The following CFAP97 variants were observed in gnomAD, a reference collection of about 807,000 sequenced individuals.
CFAP97 encodes cilia- and flagella-associated protein 97.
A neutral mutation model predicts 43.1 loss-of-function variants in CFAP97; 36 were observed. That is an observed-to-expected ratio of 0.84 (90% CI 0.64 to 1.10). The LOEUF is 1.10. Among genes scored for constraint, CFAP97 ranks in the 50% least tolerant of loss-of-function variants. CFAP97 has a pLI of 0.00. For missense variants in CFAP97, 657 were observed against 620.3 expected, an observed-to-expected ratio of 1.06 and a Z score of -0.63; for synonymous variants, 228 against 225.7, an observed-to-expected ratio of 1.01 and a Z score of -0.09.
In CFAP97 at chr4:185,161,455, C is replaced by A. The variant is rs180776744; in HGVS notation, c.*1343G>T. The A allele has an allele frequency of 5.2e-3, 798 of 152,002 alleles. 5 individuals carry two copies. The highest frequency in any genetic ancestry group is 0.018 in the African/African-American group (734 of 41,468). The allele number at this position is 152,002 out of a possible 1,614,324, so 9.4% of individuals were successfully genotyped here. A position where few individuals can be genotyped will look rare whatever the true frequency, so the allele number is the denominator to read the frequency against. On this transcript the variant is annotated 3_prime_UTR_variant, in exon 5 of 5. Transcript: ENST00000458385. ...TGAAAATCTTATTGTGGCTACAGAT[C>A]AAAAATTCATACTGAAAAAGATATT... is the stretch of plus-strand genomic sequence containing the variant.
chr4:185,164,755 G>C (rs1735003408), intron 3 of CFAP97, among the ~76,000 whole-genome samples: 1 of 152,234 alleles, frequency 6.6e-6, no homozygotes, highest in Non-Finnish European at 1.5e-5. Flanking sequence ...TGCCAGGTTA[G>C]TCTTAGGAAA....
chr4:185,187,826 T>C (rs929690775), intron 2 of CFAP97, among the ~76,000 whole-genome samples: 1 of 151,976 alleles, frequency 6.6e-6, no homozygotes, highest in African/African-American at 2.4e-5. Context: ...CTAGGTGATA[T>C]TAATGCACTG....
intron 3 of CFAP97, among the ~76,000 whole-genome samples, chr4:185,165,977 G>A (rs1266312764): frequency 6.6e-6 from 1 of 152,186 alleles, no homozygotes; most frequent in African/African-American, 2.4e-5. Flanking sequence ...GAGGCTTGGA[G>A]GCAAACAGCA....
chr4:185,192,790 G>C (rs1436230041), intron 1 of CFAP97, among the ~76,000 whole-genome samples: 4 of 136,520 alleles, frequency 2.9e-5, no homozygotes, highest in Admixed American at 8.1e-5. Flanking sequence ...ACCCAGGCTG[G>C]AGTGCAGTGG....
intron 2 of CFAP97, among the ~76,000 whole-genome samples, chr4:185,187,003 G>A (rs1736030404): frequency 2.6e-5 from 4 of 152,154 alleles, no homozygotes; most frequent in Admixed American, 2.0e-4. Flanking sequence ...CGAATCGTAT[G>A]CTCTAGCTTA....
intron 1 of CFAP97, 136 bp from the exon 2 acceptor site, chr4:185,191,348 A>G (rs1736248308): frequency 3.2e-6 from 2 of 631,956 alleles, no homozygotes. Context: ...AACAACAACA[A>G]AAAAGGTAAC....
At chr4:185,176,301 C>A (rs1167060461) in intron 2 of CFAP97, among the ~76,000 whole-genome samples, 2 of 151,988 alleles carry the variant, frequency 1.3e-5, no homozygotes. Flanking sequence ...TTAGTAGGGA[C>A]AGGGTTTCAC....
intron 1 of CFAP97, among the ~76,000 whole-genome samples, chr4:185,194,209 C>T (rs1479411626): frequency 2.6e-5 from 4 of 152,288 alleles, no homozygotes; most frequent in African/African-American, 9.6e-5. Context: ...AGTTTGTAGG[C>T]CAGGCGCAGT....
chr4:185,184,131 T>C (rs1338547768), intron 2 of CFAP97, among the ~76,000 whole-genome samples: 1 of 152,234 alleles, frequency 6.6e-6, no homozygotes, highest in Non-Finnish European at 1.5e-5. Flanking sequence ...TCCCTAGATC[T>C]GCAGCACGGG....
intron 3 of CFAP97, among the ~76,000 whole-genome samples, chr4:185,166,066 G>A (rs1410516835): frequency 2.6e-5 from 4 of 152,024 alleles, no homozygotes; most frequent in Non-Finnish European, 4.4e-5. Context: ...TTCCTTCTGC[G>A]TGAAGTGCCC....
chr4:185,204,333 C>A (rs11132292), upstream of CFAP97: 70,487 of 152,070 alleles, frequency 0.46, 16,781 homozygotes, highest in East Asian at 0.58. Context: ...CTCTACCAAA[C>A]CAAGAATAAA....
chr4:185,164,269 C>A, intron 3 of CFAP97, 90 bp from the exon 4 acceptor site: 1 of 1,224,702 alleles, frequency 8.2e-7, no homozygotes, highest in Non-Finnish European at 1.1e-6. Flanking sequence ...CATTCACTTT[C>A]TTTCTTTTTT....
chr4:185,162,302 A>G lies in CFAP97; in HGVS notation c.*496T>C, dbSNP rs2111304866. ...ATCTAGATCAGCTCTACCAGTGAAAACAAATTTCAAGATTTGTTTCATAAT... is the reference window on the plus strand; with the variant it reads ...ATCTAGATCAGCTCTACCAGTGAAAGCAAATTTCAAGATTTGTTTCATAAT... On this transcript the variant is annotated 3_prime_UTR_variant, in exon 5 of 5. Transcript: ENST00000458385. The G allele has an allele frequency of 1.3e-5, 2 of 155,564 alleles. No individual in the cohort carries two copies. The highest frequency in any genetic ancestry group is 3.9e-4 in the South Asian group (2 of 5,120). The allele number at this position is 155,564 out of a possible 1,614,324, so 9.6% of individuals were successfully genotyped here.
At chr4:185,191,277 T>C in intron 1 of CFAP97, 65 bp from the exon 2 acceptor site, 2 of 1,105,862 alleles carry the variant, frequency 1.8e-6, no homozygotes, top group Non-Finnish European at 2.4e-6. Context: ...TTGTATACAA[T>C]AATTAAATAA....
rs1425240955 is a variant in CFAP97, at chr4:185,209,454, C to G, written c.-203G>C. ...ACCGCGCTGGGTCGCGCCCTCTCCCCGTGGGGCCCCGGCCCGGACCCCGCC... is the reference window on the plus strand; with the variant it reads ...ACCGCGCTGGGTCGCGCCCTCTCCCGGTGGGGCCCCGGCCCGGACCCCGCC... On this transcript the variant is annotated 5_prime_UTR_variant, in exon 1 of 3. Coordinates refer to the CFAP97 transcript ENST00000503223. The surrounding 1 kb of genome is among the most constrained non-coding windows in gnomAD (Gnocchi z 5.2). 2 of 152,272 alleles carry G rather than the reference C, an allele frequency of 1.3e-5. No individual in the cohort carries two copies. The highest frequency in any genetic ancestry group is 2.9e-5 in the Non-Finnish European group (2 of 68,108). The allele number at this position is 152,272 out of a possible 1,614,324, so 9.4% of individuals were successfully genotyped here.
intron 1 of CFAP97, among the ~76,000 whole-genome samples, chr4:185,192,733 C>CTTTTTTTTTTTTTTTTTCTTTT (rs1736327396): frequency 1.2e-5 from 1 of 81,412 alleles, no homozygotes; most frequent in African/African-American, 5.5e-5. Context: ...AATTGACCTT[C>CTTTTTTTTTTTTTTTTTCTTTT]TTTTTTTTTT....
intron 2 of CFAP97, among the ~76,000 whole-genome samples, chr4:185,186,758 A>G (rs541572397): frequency 1.5e-4 from 23 of 152,352 alleles, no homozygotes; most frequent in African/African-American, 5.3e-4. Flanking sequence ...AAACAAATCA[A>G]TATTTTAAAA....
chr4:185,203,149 CATG>C lies in CFAP97; in HGVS notation c.-17+746_-17+748del, dbSNP rs1736974108. Reference sequence around the variant, plus strand: ...CAGGAGTTGGGAGGCTGCAGTGAGACATGATCGTGCCACTGCACTCCACCCTGG... The same window carrying C: ...CAGGAGTTGGGAGGCTGCAGTGAGACATCGTGCCACTGCACTCCACCCTGG... On this transcript the variant is annotated intron_variant, in intron 1 of 4. Transcript: ENST00000458385. 2.6e-5 allele frequency among the ~76,000 whole-genome samples: 4 copies of C among 151,756 alleles called. No individual in the cohort carries two copies. The South Asian group carries it at 8.3e-4, about 31-fold the overall frequency.
intron 1 of CFAP97, among the ~76,000 whole-genome samples, chr4:185,201,037 T>C (rs1736799315): frequency 6.6e-6 from 1 of 152,224 alleles, no homozygotes. Flanking sequence ...GAAGTTCTAC[T>C]GTGAGGCTCG....
Sources: allele counts gnomAD v4.1 joint callset (sites outside exome capture counted in the v4.1 genomes callset), GRCh38; gene constraint gnomAD v4.1.1; non-coding constraint Gnocchi (gnomAD v3.1); transcripts MANE v1.5; gene names NCBI Gene and HGNC (gene_info 2026-07-23, HGNC 2026-07-21).